Variants in TENM2 observed in about 807,000 individuals in gnomAD.
The protein encoded by TENM2 is teneurin transmembrane protein 2, also known as teneurin-2.
TENM2 carries 52 observed loss-of-function variants against 245.2 expected under a neutral mutation model. That is an observed-to-expected ratio of 0.21 (90% CI 0.17 to 0.27). The LOEUF is 0.27. Among genes scored for constraint, TENM2 ranks in the 10% least tolerant of loss-of-function variants. The pLI is 1.00. For synonymous variants in TENM2, 1,363 were observed against 1,438.9 expected (o/e 0.95, Z 1.19); for missense variants, 3,046 against 3,666.8 (o/e 0.83, Z 4.37).
the TENM2 span, among the ~76,000 whole-genome samples, chr5:167,106,233 T>C: frequency 6.6e-6 from 1 of 152,158 alleles, no homozygotes; most frequent in Non-Finnish European, 1.5e-5. Context: ...GGTACAGGAA[T>C]CATTTAGTTC....
chr5:168,072,589 A>G (rs986984881), intron 7 of TENM2, among the ~76,000 whole-genome samples: 1 of 152,164 alleles, frequency 6.6e-6, no homozygotes, highest in African/African-American at 2.4e-5. Flanking sequence ...GGGTCGTGAG[A>G]TGCAGTCCAG....
the TENM2 span, among the ~76,000 whole-genome samples, chr5:167,228,275 C>T: frequency 6.6e-6 from 1 of 151,830 alleles, no homozygotes. Flanking sequence ...AGTGATCTGC[C>T]CATTTCAGCT....
intron 2 of TENM2, among the ~76,000 whole-genome samples, chr5:167,678,764 C>G (rs898333994): frequency 3.3e-5 from 5 of 152,076 alleles, no homozygotes; most frequent in African/African-American, 4.8e-5. Flanking sequence ...ATTTTCTTGG[C>G]TGACTTTGTC....
chr5:167,534,719 G>A (rs760158096), intron 2 of TENM2, among the ~76,000 whole-genome samples: 1 of 152,140 alleles, frequency 6.6e-6, no homozygotes, highest in Admixed American at 6.5e-5. Context: ...ACGAGACCTC[G>A]AATGGAGAGG....
intron 1 of TENM2, among the ~76,000 whole-genome samples, chr5:167,336,944 C>T (rs865829659): frequency 5.3e-5 from 8 of 150,142 alleles, no homozygotes; most frequent in Admixed American, 2.6e-4. Flanking sequence ...GGTGAAACCC[C>T]GTCTCTACTA....
At chr5:168,054,172 C>T (rs751723964) in intron 6 of TENM2, among the ~76,000 whole-genome samples, 5 of 152,106 alleles carry the variant, frequency 3.3e-5, no homozygotes, top group Admixed American at 3.3e-4. Flanking sequence ...ACATGTAGTC[C>T]CAAGAGCTGA....
the TENM2 span, among the ~76,000 whole-genome samples, chr5:167,129,792 A>G: frequency 3.3e-5 from 5 of 152,190 alleles, no homozygotes; most frequent in Non-Finnish European, 7.3e-5. Flanking sequence ...TTGACCCACA[A>G]AGATTTACAG....
chr5:167,408,478 T>A (rs1762744011), intron 2 of TENM2, among the ~76,000 whole-genome samples: 5 of 152,184 alleles, frequency 3.3e-5, no homozygotes, highest in Admixed American at 2.0e-4. Context: ...GAGCTTCAGG[T>A]GATAAATGAC....
intron 1 of TENM2, among the ~76,000 whole-genome samples, chr5:167,372,010 C>T (rs1372296029): frequency 1.3e-5 from 2 of 151,880 alleles, no homozygotes; most frequent in African/African-American, 4.8e-5. Context: ...TAGAAAGATA[C>T]CAAACTAGGA....
chr5:167,315,870 A>G (rs543245787), intron 1 of TENM2, among the ~76,000 whole-genome samples: 1 of 152,152 alleles, frequency 6.6e-6, no homozygotes, highest in Admixed American at 6.6e-5. Flanking sequence ...ATGAAAAAGA[A>G]AATTAGGAAC....
At chr5:167,866,865 C>G (rs60845036) in intron 2 of TENM2, among the ~76,000 whole-genome samples, 2 of 152,210 alleles carry the variant, frequency 1.3e-5, no homozygotes, top group Non-Finnish European at 2.9e-5. Flanking sequence ...ATCTAAATGT[C>G]ACTAAAACTT....
chr5:168,243,906 CCATA>C (rs372921487), intron 25 of TENM2, among the ~76,000 whole-genome samples: 3 of 151,368 alleles, frequency 2.0e-5, no homozygotes, highest in African/African-American at 7.3e-5. Context: ...GCATATTGCA[CCATA>C]CAAATACTAC....
At chr5:167,134,807 T>G in the TENM2 span, among the ~76,000 whole-genome samples, 1 of 152,210 alleles carries the variant, frequency 6.6e-6, no homozygotes, top group Non-Finnish European at 1.5e-5. Flanking sequence ...GTAGCTAGAA[T>G]TTAAGCATAA....
the TENM2 span, among the ~76,000 whole-genome samples, chr5:167,035,535 A>G: frequency 6.6e-6 from 1 of 152,132 alleles, no homozygotes; most frequent in African/African-American, 2.4e-5. Context: ...TCTTGATAGT[A>G]TTTTCACAGT....
At chr5:167,695,590 T>C (rs1344431422) in intron 2 of TENM2, among the ~76,000 whole-genome samples, 1 of 151,970 alleles carries the variant, frequency 6.6e-6, no homozygotes. Flanking sequence ...AGGGTTCAGG[T>C]TTGTCTCTGA....
chr5:167,209,740 C>T, the TENM2 span, among the ~76,000 whole-genome samples: 1 of 152,038 alleles, frequency 6.6e-6, no homozygotes, highest in Non-Finnish European at 1.5e-5. Context: ...GTTTGAAATC[C>T]CACATTCCTC....
At chr5:167,060,064 A>C in the TENM2 span, among the ~76,000 whole-genome samples, 7 of 152,144 alleles carry the variant, frequency 4.6e-5, no homozygotes, top group Non-Finnish European at 8.8e-5. Flanking sequence ...ATAAATTAAA[A>C]ACTTTTTAAT....
chr5:167,596,175 A>C (rs908205310), intron 2 of TENM2, among the ~76,000 whole-genome samples: 3 of 152,206 alleles, frequency 2.0e-5, no homozygotes, highest in African/African-American at 7.2e-5. Context: ...GATTAGTGCT[A>C]ATTAGGTGTC....
chr5:167,212,127 G>A, the TENM2 span, among the ~76,000 whole-genome samples: 1 of 152,148 alleles, frequency 6.6e-6, no homozygotes, highest in Admixed American at 6.6e-5. Flanking sequence ...TAGCTTTGTG[G>A]CTTCTCAGCC....
Sources: gnomAD v4.1 joint callset for allele counts (sites outside exome capture counted in the v4.1 genomes callset) on GRCh38, gnomAD v4.1.1 for gene constraint, MANE v1.5 for transcripts, NCBI Gene and HGNC (gene_info 2026-07-23, HGNC 2026-07-21) for gene names.